The following RASGRF2 variants were observed in gnomAD, a reference collection of about 807,000 sequenced individuals.
The protein encoded by RASGRF2 is Ras protein specific guanine nucleotide releasing factor 2, also known as ras-specific guanine nucleotide-releasing factor 2.
RASGRF2 carries 76 observed loss-of-function variants against 151.0 expected under a neutral mutation model. The ratio of observed to expected loss-of-function variants is 0.50; its 90% CI spans 0.42 to 0.61. RASGRF2 has a LOEUF of 0.61. RASGRF2 is among the 20% of genes least tolerant of loss of function. RASGRF2 has a pLI of 0.00. For synonymous variants in RASGRF2, 504 were observed against 566.5 expected (o/e 0.89, Z 1.57); for missense variants, 1,148 against 1,564.6 (o/e 0.73, Z 4.49).
chr5:81,190,007 C>T (rs755742189), intron 18 of RASGRF2, among the ~76,000 whole-genome samples: 4 of 152,132 alleles, frequency 2.6e-5, no homozygotes, highest in Non-Finnish European at 4.4e-5. Flanking sequence ...CCACTACGCC[C>T]GACACACTTT....
chr5:81,034,499 C>T (rs1172721920), intron 1 of RASGRF2, among the ~76,000 whole-genome samples: 4 of 152,036 alleles, frequency 2.6e-5, no homozygotes, highest in South Asian at 4.2e-4. Flanking sequence ...CACATGCACA[C>T]GTATGTTTAT....
intron 1 of RASGRF2, among the ~76,000 whole-genome samples, chr5:81,002,117 A>G (rs1200471489): frequency 6.6e-6 from 1 of 152,212 alleles, no homozygotes; most frequent in East Asian, 1.9e-4. Flanking sequence ...CTATTTTTGA[A>G]AAGGATATCA....
chr5:81,220,571 A>G (rs1429392261), intron 26 of RASGRF2, among the ~76,000 whole-genome samples: 1 of 151,794 alleles, frequency 6.6e-6, no homozygotes, highest in East Asian at 1.9e-4. Flanking sequence ...TACAAGCTCC[A>G]CCTCCCGGGT....
intron 2 of RASGRF2, among the ~76,000 whole-genome samples, chr5:81,063,817 A>G (rs892537084): frequency 6.6e-6 from 1 of 152,138 alleles, no homozygotes; most frequent in South Asian, 2.1e-4. Flanking sequence ...ACGCTTTTTT[A>G]AAAAAATCTG....
intron 19 of RASGRF2, 72 bp from the exon 20 acceptor site, chr5:81,206,773 A>G: frequency 7.3e-7 from 1 of 1,361,264 alleles, no homozygotes; most frequent in Non-Finnish European, 1.1e-6. Flanking sequence ...GGAAAACCAA[A>G]CTGCATTTGT....
intron 17 of RASGRF2, among the ~76,000 whole-genome samples, chr5:81,169,436 T>C (rs1483699467): frequency 6.6e-6 from 1 of 152,222 alleles, no homozygotes; most frequent in East Asian, 1.9e-4. Context: ...CTGCCTTGCC[T>C]CCTCCTAGCT....
At chr5:81,150,993 G>A (rs1411611354) in intron 17 of RASGRF2, among the ~76,000 whole-genome samples, 2 of 152,218 alleles carry the variant, frequency 1.3e-5, no homozygotes, top group Admixed American at 1.3e-4. Flanking sequence ...AGAAGTCTGA[G>A]AAATGTTAGT....
At chr5:81,007,181 G>C (rs571842043) in intron 1 of RASGRF2, among the ~76,000 whole-genome samples, 93 of 152,274 alleles carry the variant, frequency 6.1e-4, no homozygotes, top group Non-Finnish European at 1.6e-4. Context: ...TCGGGAGGGG[G>C]TGTAGCTTTC....
At chr5:81,188,413 A>G (rs1352116355) in intron 18 of RASGRF2, among the ~76,000 whole-genome samples, 3 of 152,150 alleles carry the variant, frequency 2.0e-5, no homozygotes, top group Admixed American at 6.6e-5. Context: ...GAAGTGTGTC[A>G]CTAGGACTCT....
At chr5:80,998,988 G>C (rs548477763) in intron 1 of RASGRF2, among the ~76,000 whole-genome samples, 6 of 152,288 alleles carry the variant, frequency 3.9e-5, no homozygotes, top group African/African-American at 1.4e-4. Flanking sequence ...CTGGGGCTTA[G>C]AGGAGTGACA....
intron 17 of RASGRF2, among the ~76,000 whole-genome samples, chr5:81,160,142 G>A (rs902246371): frequency 5.3e-5 from 8 of 152,090 alleles, no homozygotes; most frequent in African/African-American, 1.9e-4. Context: ...AAAATAGGCC[G>A]GGTGCGGTGG....
At chr5:81,022,102 G>C (rs1289506128) in intron 1 of RASGRF2, among the ~76,000 whole-genome samples, 1 of 152,164 alleles carries the variant, frequency 6.6e-6, no homozygotes, top group Non-Finnish European at 1.5e-5. Flanking sequence ...GTATAGGAAC[G>C]ATGGGGGAGT....
Position 81,110,697 on chromosome 5 carries a change from G to A in RASGRF2, c.1838+1619G>A, listed in dbSNP as rs1024392345. Among the ~76,000 whole-genome samples the A allele has an allele frequency of 3.3e-5, 5 of 152,198 alleles. No homozygotes were observed. In the East Asian group the frequency reaches 5.8e-4, roughly 18 times the overall value. Reference sequence around the variant, plus strand: ...TTTCTTAGAAATTAGAGATTTTTTGGTGGAAAATGATGGGATAACAAGTGA... The same window carrying A: ...TTTCTTAGAAATTAGAGATTTTTTGATGGAAAATGATGGGATAACAAGTGA... On this transcript the variant is annotated intron_variant, in intron 13 of 26. Transcript: ENST00000265080.
chr5:81,073,886 A>C (rs1751858999), intron 5 of RASGRF2, among the ~76,000 whole-genome samples: 1 of 152,184 alleles, frequency 6.6e-6, no homozygotes, highest in East Asian at 1.9e-4. Flanking sequence ...CAAAGTGCTG[A>C]GATTACAGGC....
chr5:81,208,888 C>T lies in RASGRF2; in HGVS notation c.3156+450C>T, dbSNP rs149804674. On this transcript the variant is annotated intron_variant, in intron 22 of 26. Transcript: ENST00000265080. Reference sequence around the variant, plus strand: ...TTAAACAGAATTGATGGGATATTGACGACAAGCTTAAATCTCTAAGAGCTC... The same window carrying T: ...TTAAACAGAATTGATGGGATATTGATGACAAGCTTAAATCTCTAAGAGCTC... Among the ~76,000 whole-genome samples the T allele has an allele frequency of 4.0e-3, 603 of 152,162 alleles. 2 individuals carry two copies. Among genetic ancestry groups the T allele is most frequent in the Non-Finnish European group, 6.2e-3 (421 of 67,996 alleles).
At chr5:81,059,871 C>A (rs1487126427) in intron 2 of RASGRF2, among the ~76,000 whole-genome samples, 5 of 140,312 alleles carry the variant, frequency 3.6e-5, no homozygotes, top group Admixed American at 1.4e-4. Context: ...ACAAAAAAAA[C>A]AACCTGAGGC....
chr5:81,117,841 G>T (rs1174650853), intron 15 of RASGRF2, among the ~76,000 whole-genome samples: 1 of 152,198 alleles, frequency 6.6e-6, no homozygotes, highest in African/African-American at 2.4e-5. Flanking sequence ...TATTCCCATT[G>T]TAAAAGGGAA....
chr5:81,211,063 G>A (rs1057225612), intron 22 of RASGRF2, among the ~76,000 whole-genome samples: 4 of 151,316 alleles, frequency 2.6e-5, no homozygotes, highest in South Asian at 2.1e-4. Flanking sequence ...AGGATCGCTT[G>A]AGCCCTGGAC....
At chr5:80,962,218 T>C (rs1747584553) in intron 1 of RASGRF2, among the ~76,000 whole-genome samples, 1 of 152,240 alleles carries the variant, frequency 6.6e-6, no homozygotes, top group South Asian at 2.1e-4. Context: ...AAACTTGTTA[T>C]AACACTTATA....
Sources: allele counts gnomAD v4.1 joint callset (sites outside exome capture counted in the v4.1 genomes callset), GRCh38; gene constraint gnomAD v4.1.1; transcripts MANE v1.5; gene names NCBI Gene and HGNC (gene_info 2026-07-23, HGNC 2026-07-21).